PXMP2: variants seen among roughly 807,000 people sequenced by gnomAD.
PXMP2 encodes the protein 22 kDa peroxisomal membrane protein.
Under a neutral mutation model 20.2 loss-of-function variants are expected in PXMP2, and 13 were observed. The observed-to-expected ratio is 0.64, with a 90% CI of 0.42 to 1.02. The LOEUF (loss-of-function observed/expected upper bound fraction) is 1.02, where lower values mean the gene tolerates loss of function less well. Among genes scored for constraint, PXMP2 ranks in the 50% least tolerant of loss-of-function variants. PXMP2 has a pLI of 0.00. For missense variants in PXMP2, 284 were observed against 251.8 expected (o/e 1.13, Z -0.87); for synonymous variants, 113 against 111.2 (o/e 1.02, Z -0.10).
At chr12:132,704,342 G>A (rs1465939421) in intron 4 of PXMP2, among the ~76,000 whole-genome samples, 1 of 152,228 alleles carries the variant, frequency 6.6e-6, no homozygotes, top group Non-Finnish European at 1.5e-5. Context: ...GGTGTGCGGT[G>A]AAGGGGGCAA....
intron 1 of PXMP2, among the ~76,000 whole-genome samples, chr12:132,689,352 T>C (rs1351098234): frequency 6.6e-6 from 1 of 152,052 alleles, no homozygotes; most frequent in Non-Finnish European, 1.5e-5. Flanking sequence ...GAAGGTGACA[T>C]TGAACAGGCT....
At chr12:132,692,317 C>T in intron 2 of PXMP2, among the ~76,000 whole-genome samples, 1 of 140,792 alleles carries the variant, frequency 7.1e-6, no homozygotes, top group East Asian at 2.1e-4. Flanking sequence ...AATTAGTGAG[C>T]TCCCTTAGCC....
intron 2 of PXMP2, among the ~76,000 whole-genome samples, chr12:132,692,712 A>AGCCAGTTAGTTAGTGAGCT (rs1565990638): frequency 2.0e-5 from 1 of 49,892 alleles, no homozygotes; most frequent in African/African-American, 7.2e-5. Flanking sequence ...GTTAGTGAGC[A>AGCCAGTTAGTTAGTGAGCT]CCCTTGCCAG....
At chr12:132,689,177 C>T (rs1477058873) in intron 1 of PXMP2, among the ~76,000 whole-genome samples, 1 of 130,560 alleles carries the variant, frequency 7.7e-6, no homozygotes, top group African/African-American at 3.0e-5. Flanking sequence ...CTGCGGGGCA[C>T]GGGTAAAGAC....
At chr12:132,693,693 T>TA (rs2043387853) in intron 2 of PXMP2, among the ~76,000 whole-genome samples, 1 of 142,304 alleles carries the variant, frequency 7.0e-6, no homozygotes. Context: ...GCCAGTTAGT[T>TA]AGTGAGCTCC....
Position 132,701,283 on chromosome 12 carries a change from AGG to A in PXMP2, c.439_440del (p.Gly147LeufsTer93). On this transcript the variant is annotated frameshift_variant, in exon 4 of 5. Transcript: ENST00000317479. LOFTEE classifies it high-confidence loss of function. ...KDASAFAAKMRGGFWPALRMN... is the reference protein window; with the variant it reads ...KDASAFAAKMXGGFWPALRMN... The stretch of plus-strand genomic sequence containing the variant: ...CGCCTCAGCCTTCGCCGCCAAGATG[AGG>A]GGGGGCTTCTGGCCGGCGCTGAGGA... The A allele has an allele frequency of 1.2e-6, 2 of 1,612,620 alleles. No homozygotes were observed. The highest frequency in any genetic ancestry group is 1.7e-6 in the Non-Finnish European group (2 of 1,179,634).
chr12:132,692,687 C>T (rs1263488147), intron 2 of PXMP2, among the ~76,000 whole-genome samples: 5 of 124,986 alleles, frequency 4.0e-5, no homozygotes, highest in African/African-American at 5.9e-5. Flanking sequence ...AGTTAGTGAG[C>T]GCCCTTGCCA....
At chr12:132,687,959 C>G (rs1391144870) in intron 1 of PXMP2, 167 bp downstream of exon 1, 1 of 629,142 alleles carries the variant, frequency 1.6e-6, no homozygotes, top group Non-Finnish European at 2.1e-6. Flanking sequence ...GCGGCGACAC[C>G]CGCGTCCGCA....
intron 1 of PXMP2, among the ~76,000 whole-genome samples, chr12:132,689,342 G>A (rs550026877): frequency 1.3e-5 from 2 of 152,298 alleles, no homozygotes; most frequent in East Asian, 3.9e-4. Context: ...GGTGTTTTGA[G>A]AAGGTGACAT....
chr12:132,695,573 C>T (rs2043405508), intron 2 of PXMP2, among the ~76,000 whole-genome samples: 1 of 152,154 alleles, frequency 6.6e-6, no homozygotes, highest in African/African-American at 2.4e-5. Context: ...GAACCAGGGC[C>T]AAGAGTGTTA....
At chr12:132,703,929 G>C (rs1191909303) in intron 4 of PXMP2, among the ~76,000 whole-genome samples, 2 of 152,202 alleles carry the variant, frequency 1.3e-5, no homozygotes, top group Admixed American at 6.5e-5. Flanking sequence ...ATCTGGGATG[G>C]AAGAGGGGAG....
intron 3 of PXMP2, among the ~76,000 whole-genome samples, chr12:132,698,543 CCATT>C (rs1414018032): frequency 1.3e-5 from 2 of 152,186 alleles, no homozygotes; most frequent in Non-Finnish European, 2.9e-5. Context: ...TTTCTCATTA[CCATT>C]TATTGGGCAA....
chr12:132,692,369 C>G (rs1388164758), intron 2 of PXMP2, among the ~76,000 whole-genome samples: 1 of 110,738 alleles, frequency 9.0e-6, no homozygotes, highest in Non-Finnish European at 2.1e-5. Flanking sequence ...TTAGTGAGCT[C>G]CCTTGCCAGT....
Position 132,695,973 on chromosome 12 carries a change from G to A in PXMP2, c.326G>A (p.Arg109Lys), listed in dbSNP as rs753706356. 6.2e-7 allele frequency: 1 copy of A among 1,612,710 alleles called. No individual in the cohort carries two copies. Among genetic ancestry groups the A allele is most frequent in the Non-Finnish European group, 8.5e-7 (1 of 1,179,418 alleles). ...PPEVPLAGLR[R>K]LLLDRLVFAP... ...GAGGTCCCCCTGGCAGGGCTCAGGA[G>A]GCTTCTCCTGGACCGCCTCGTCTTT... Residue 109 changes from arginine to lysine, a missense_variant, in exon 3 of 5, where the codon AGG (arginine) becomes AAG (lysine). Arg to Lys is a conservative substitution (Grantham distance 26). Coordinates refer to ENST00000317479, the MANE Select transcript of PXMP2 (RefSeq NM_018663.3).
In PXMP2 at chr12:132,704,757, G is replaced by C. The variant is rs1456339695; in HGVS notation, c.*70G>C. 6.9e-7 allele frequency: 1 copy of C among 1,439,510 alleles called. No individual in the cohort carries two copies. Among genetic ancestry groups the C allele is most frequent in the Non-Finnish European group, 9.7e-7 (1 of 1,026,336 alleles). The allele number at this position is 1,439,510 out of a possible 1,614,324, so 89.2% of individuals were successfully genotyped here. A position where few individuals can be genotyped will look rare whatever the true frequency, so the allele number is the denominator to read the frequency against. Reference sequence around the variant, plus strand: ...GGGTCTCACCCGCCCAGCGAGAGCAGAACCAATCCAGTCAGGATGTCACTG... The same window carrying C: ...GGGTCTCACCCGCCCAGCGAGAGCACAACCAATCCAGTCAGGATGTCACTG... On this transcript the variant is annotated 3_prime_UTR_variant, in exon 5 of 5. Transcript: ENST00000317479.
rs1444812879 is a variant in PXMP2, at chr12:132,687,721, G to GCCGCGGCGGGCGCTC, written c.52_66dup (p.Pro18_Leu22dup). The GCCGCGGCGGGCGCTC allele has an allele frequency of 2.7e-4, 328 of 1,211,532 alleles. No individual in the cohort carries two copies. In the African/African-American group the frequency reaches 5.0e-3, roughly 18 times the overall value. 75.0% of individuals were successfully genotyped at this position (1,211,532 alleles called of 1,614,324 possible). A position where few individuals can be genotyped will look rare whatever the true frequency, so the allele number is the denominator to read the frequency against. On this transcript the variant is annotated inframe_insertion, in exon 1 of 5. Coordinates refer to ENST00000317479, the MANE Select transcript of PXMP2 (RefSeq NM_018663.3). ...GGGCCGAAGCCGGGCTCGGGGCGCT[G>GCCGCGGCGGGCGCTC]CCGCGGCGGGCGCTCGCCCAGTACC...
At chr12:132,695,016 CAGTT>C (rs1225043039) in intron 2 of PXMP2, among the ~76,000 whole-genome samples, 8 of 138,490 alleles carry the variant, frequency 5.8e-5, no homozygotes, top group African/African-American at 2.1e-4. Flanking sequence ...CTCCCTTAGC[CAGTT>C]AGTTAGTGAG....
intron 2 of PXMP2, among the ~76,000 whole-genome samples, chr12:132,693,743 AGTGAGCTCCCTTAGCCAGTTAGTT>A (rs1455409493): frequency 1.1e-4 from 15 of 132,144 alleles, no homozygotes; most frequent in African/African-American, 3.7e-4. Context: ...CCAGTTAGTT[AGTGAGCTCCCTTAGCCAGTTAGTT>A]AGTGAGCGCC....
intron 3 of PXMP2, among the ~76,000 whole-genome samples, chr12:132,699,821 G>GTGA (rs1250758518): frequency 6.6e-6 from 1 of 152,152 alleles, no homozygotes; most frequent in African/African-American, 2.4e-5. Flanking sequence ...GGATAGCGCT[G>GTGA]TGATAAACAC....
Sources: allele counts gnomAD v4.1 joint callset (sites outside exome capture counted in the v4.1 genomes callset), GRCh38; gene constraint gnomAD v4.1.1; transcripts MANE v1.5; gene names NCBI Gene and HGNC (gene_info 2026-07-23, HGNC 2026-07-21).